Variants in FNBP4 observed in about 807,000 individuals in gnomAD.
FNBP4 encodes formin-binding protein 4.
FNBP4 carries 34 observed loss-of-function variants against 119.3 expected under a neutral mutation model. The observed-to-expected ratio is 0.28, with a 90% confidence interval of 0.22 to 0.38. The LOEUF (loss-of-function observed/expected upper bound fraction) is 0.38. FNBP4 is among the 10% of genes least tolerant of loss of function. The pLI is 1.00. For synonymous variants in FNBP4, 462 were observed against 430.6 expected (o/e 1.07, Z -0.90); for missense variants, 1,112 against 1,228.9 (o/e 0.90, Z 1.42).
intron 2 of FNBP4, among the ~76,000 whole-genome samples, chr11:47,764,855 C>G (rs1230840861): frequency 1.3e-5 from 2 of 152,142 alleles, no homozygotes; most frequent in African/African-American, 4.8e-5. Flanking sequence ...TACAAAACCA[C>G]TGTTGCAACT....
chr11:47,730,948 A>T (rs2097566673), intron 12 of FNBP4, among the ~76,000 whole-genome samples: 1 of 152,160 alleles, frequency 6.6e-6, no homozygotes. Context: ...CGCTTTTTGT[A>T]AGATTAGTGG....
chr11:47,728,344 G>A (rs2097563481), intron 12 of FNBP4, among the ~76,000 whole-genome samples: 1 of 151,216 alleles, frequency 6.6e-6, no homozygotes. Flanking sequence ...CTGCCTCCTG[G>A]GTTCAAGCGA....
chr11:47,720,223 A>G, intron 15 of FNBP4, 137 bp from the exon 16 acceptor site: 1 of 832,758 alleles, frequency 1.2e-6, no homozygotes, highest in Non-Finnish European at 1.8e-6. Context: ...TACCATTCTA[A>G]GTTCTTGCCA....
rs2097648931 is a variant in FNBP4 at position 47,766,961 on chromosome 11, C to T, written c.220+108G>A. The T allele has an allele frequency of 6.5e-6, 9 of 1,394,444 alleles. No individual in the cohort carries two copies. In the Middle Eastern group the frequency reaches 1.0e-3, roughly 161 times the overall value. The allele number at this position is 1,394,444 out of a possible 1,614,324, so 86.4% of individuals were successfully genotyped here. A position where few individuals can be genotyped will look rare whatever the true frequency, so the allele number is the denominator to read the frequency against. ...GCCTGCAGGCCCGCAGCAGGCAGGC[C>T]TCGGAAGCCGACCTCGCCCGCCTCC... On this transcript the variant is annotated intron_variant, in intron 1 of 16. Transcript: ENST00000263773.
chr11:47,755,462 T>C (rs1373998957), intron 2 of FNBP4, among the ~76,000 whole-genome samples: 3 of 150,878 alleles, frequency 2.0e-5, no homozygotes, highest in Non-Finnish European at 4.4e-5. Context: ...AATAAATAAA[T>C]AAATAAAATA....
intron 8 of FNBP4, among the ~76,000 whole-genome samples, chr11:47,738,561 G>A (rs555309321): frequency 3.4e-4 from 52 of 152,036 alleles, no homozygotes; most frequent in Non-Finnish European, 5.9e-4. Flanking sequence ...GCAAAACTCC[G>A]TCTAAAAAAT....
Position 47,750,783 on chromosome 11 carries a change from A to G in FNBP4, c.906+133T>C, listed in dbSNP as rs989435713. On this transcript the variant is annotated intron_variant, in intron 6 of 16. Coordinates refer to ENST00000263773, the MANE Select transcript of FNBP4 (RefSeq NM_015308.5). Reference sequence around the variant, plus strand: ...AAAGGCTACATAATACACAGAAACAAAGTGAAAGTTATGAAACTTATCCTA... The same window carrying G: ...AAAGGCTACATAATACACAGAAACAGAGTGAAAGTTATGAAACTTATCCTA... 4.6e-5 allele frequency: 43 copies of G among 938,328 alleles called. 1 individual carries two copies. In the African/African-American group the frequency reaches 7.1e-4, roughly 16 times the overall value. 58.1% of individuals were successfully genotyped at this position (938,328 alleles called of 1,614,324 possible).
intron 8 of FNBP4, among the ~76,000 whole-genome samples, chr11:47,738,569 AATC>A (rs2097577327): frequency 6.6e-6 from 1 of 152,158 alleles, no homozygotes; most frequent in South Asian, 2.1e-4. Flanking sequence ...CCGTCTAAAA[AATC>A]ATCATAATTT....
intron 8 of FNBP4, 82 bp downstream of exon 8, chr11:47,743,871 T>G: frequency 7.8e-7 from 1 of 1,273,944 alleles, no homozygotes; most frequent in Admixed American, 1.9e-5. Context: ...CCTGTTTTGT[T>G]GAAGAGGAAA....
chr11:47,743,973 G>A lies in FNBP4; in HGVS notation c.1436C>T (p.Thr479Ile), dbSNP rs1043110784. The change falls in exon 8 of 17, where the codon ACT becomes ATT. Residue 479 changes from threonine to isoleucine, a missense_variant. This residue lies in a region of FNBP4 where 826 missense variants were observed against 988.8 expected (regional missense o/e 0.84). Transcript: ENST00000263773. ...ATTACCAGTTTCTCCATTTTCTGGA[G>A]TATCTCGTCCAGTTTTACTAGAACT... ...SRSSSKTGRD[T>I]PENGETAIGA... 8.1e-6 allele frequency: 13 copies of A among 1,614,132 alleles called. No homozygotes were observed. The highest frequency in any genetic ancestry group is 1.1e-5 in the Non-Finnish European group (13 of 1,179,974).
At position 47,731,481 on chromosome 11, in the gene FNBP4, T is replaced by G; in HGVS notation, c.1901A>C (p.Glu634Ala). Residue 634 changes from glutamate (E) to alanine (A), a missense_variant, in exon 12 of 17, where the codon GAA becomes GCA. This residue lies in a region of FNBP4 where 826 missense variants were observed against 988.8 expected (regional missense o/e 0.84). Coordinates refer to ENST00000263773, the MANE Select transcript of FNBP4 (RefSeq NM_015308.5). ...TCTATTTTCTTGTGCTTGGCTTTCT[T>G]CTTCTTCCTCTTCACCATCTGGAAA... Reference protein sequence around the residue: ...WEFPDGEEEEEESQAQENRDE... With the variant: ...WEFPDGEEEEAESQAQENRDE... The G allele has an allele frequency of 6.2e-7, 1 of 1,614,068 alleles. No individual in the cohort carries two copies. Among genetic ancestry groups the G allele is most frequent in the East Asian group, 2.2e-5 (1 of 44,878 alleles).
intron 2 of FNBP4, among the ~76,000 whole-genome samples, chr11:47,755,812 C>CA (rs1173246440): frequency 2.0e-5 from 3 of 150,350 alleles, no homozygotes; most frequent in East Asian, 1.9e-4. Flanking sequence ...AAAACAAAAA[C>CA]AAAAAAAATC....
rs1158226920 is a variant in FNBP4 at position 47,720,075 on chromosome 11, A to C, written c.2817T>G (p.Ser939Arg). The C allele has an allele frequency of 1.2e-5, 19 of 1,613,120 alleles. No homozygotes were observed. The highest frequency in any genetic ancestry group is 3.3e-5 in the Admixed American group (2 of 59,830). ...TTACCAAAGATGGCATTTTGGTCTT[A>C]CTCTTCTTTGCCTGTAACAAAGGTT... ...KKGRKDKAKK[S>R]KTKMPSLVKK... is the part of the protein sequence containing the mutation. The change falls in exon 16 of 17, where the codon AGT becomes AGG. Residue 939 changes from serine (S) to arginine (R), a missense_variant. Ser to Arg is a moderately radical substitution (Grantham distance 110). This residue lies in a region of FNBP4 where 826 missense variants were observed against 988.8 expected (regional missense o/e 0.84). Transcript: ENST00000263773.
rs529839835 is a variant in FNBP4, at chr11:47,733,201, T to C, written c.1687-531A>G. 1.1e-4 allele frequency among the ~76,000 whole-genome samples: 17 copies of C among 152,340 alleles called. No individual in the cohort carries two copies. The South Asian group carries it at 3.5e-3, about 32-fold the overall frequency. On this transcript the variant is annotated intron_variant, in intron 10 of 16. Coordinates refer to ENST00000263773, the MANE Select transcript of FNBP4 (RefSeq NM_015308.5). Reference sequence around the variant, plus strand: ...TTTTAACACTACCAACTCTCCAATATGTGTGAAAATGAGTAGTAGTAGTTT... The same window carrying C: ...TTTTAACACTACCAACTCTCCAATACGTGTGAAAATGAGTAGTAGTAGTTT...
At chr11:47,721,036 A>G (rs1228439378) in intron 15 of FNBP4, among the ~76,000 whole-genome samples, 1 of 152,052 alleles carries the variant, frequency 6.6e-6, no homozygotes, top group Non-Finnish European at 1.5e-5. Flanking sequence ...ACAGATTTTT[A>G]AAAATATCGG....
intron 15 of FNBP4, among the ~76,000 whole-genome samples, chr11:47,722,378 A>T (rs2097556831): frequency 6.6e-6 from 1 of 151,320 alleles, no homozygotes; most frequent in Non-Finnish European, 1.5e-5. Context: ...CCTCTTTAAT[A>T]GCTTATCCCT....
Position 47,744,123 on chromosome 11 carries a change from G to A in FNBP4, c.1286C>T (p.Ser429Leu). ...RALEEGDGSV[S>L]GSSPRSDISQ... The stretch of plus-strand genomic sequence containing the variant: ...GATATCAGAACGTGGACTAGACCCT[G>A]ACACACTACCATCTCCTTCCTCCAA... The change falls in exon 8 of 17, where the codon TCA becomes TTA. Residue 429 changes from serine (S) to leucine (L), a missense_variant. By Grantham distance (145) the Ser-to-Leu change is moderately radical. Coordinates refer to ENST00000263773, the MANE Select transcript of FNBP4 (RefSeq NM_015308.5). 1 of 1,614,064 alleles carries A rather than the reference G, an allele frequency of 6.2e-7. No individual in the cohort carries two copies.
chr11:47,765,567 C>T (rs1377462978), intron 1 of FNBP4, among the ~76,000 whole-genome samples: 37 of 36,404 alleles, frequency 1.0e-3, no homozygotes, highest in African/African-American at 9.4e-3. Context: ...GAGGCCAAGA[C>T]GGGGGGGGGG....
At position 47,732,855 on chromosome 11, in the gene FNBP4, C is replaced by A. The variant is rs146054710; in HGVS notation, c.1687-185G>T. On this transcript the variant is annotated intron_variant, in intron 10 of 16. Coordinates refer to ENST00000263773, the MANE Select transcript of FNBP4 (RefSeq NM_015308.5). This position sits in a 1 kb window ranked among gnomAD's most constrained non-coding sequence, Gnocchi z 4.2. The stretch of plus-strand genomic sequence containing the variant: ...TCTTAAGGCCGGGCATGGTGGCTCA[C>A]GCCTGTAATCCCAGCACTTTGGGAG... 3.3e-5 allele frequency among the ~76,000 whole-genome samples: 5 copies of A among 152,164 alleles called. No homozygotes were observed. Among genetic ancestry groups the A allele is most frequent in the Admixed American group, 2.6e-4 (4 of 15,286 alleles).
Sources: allele counts gnomAD v4.1 joint callset (sites outside exome capture counted in the v4.1 genomes callset), GRCh38; gene constraint gnomAD v4.1.1; regional missense constraint gnomAD v4.1.1; non-coding constraint Gnocchi (gnomAD v3.1); transcripts MANE v1.5; gene names NCBI Gene and HGNC (gene_info 2026-07-23, HGNC 2026-07-21).